The following FBXL2 variants were observed in gnomAD, a reference collection of about 807,000 sequenced individuals.
FBXL2 encodes F-box/LRR-repeat protein 2.
FBXL2 carries 38 observed loss-of-function variants against 69.2 expected under a neutral mutation model. The ratio of observed to expected loss-of-function variants is 0.55; its 90% CI spans 0.42 to 0.72. FBXL2 has a LOEUF of 0.72. Among genes scored for constraint, FBXL2 ranks in the 30% least tolerant of loss-of-function variants. The pLI is 0.00. For missense variants in FBXL2, 354 were observed against 520.3 expected, an observed-to-expected ratio of 0.68 and a Z score of 3.11; for synonymous variants, 192 against 201.3, an observed-to-expected ratio of 0.95 and a Z score of 0.39.
chr3:33,305,903 G>A (rs947388292), intron 2 of FBXL2, among the ~76,000 whole-genome samples: 7 of 151,560 alleles, frequency 4.6e-5, no homozygotes, highest in Admixed American at 2.0e-4. Flanking sequence ...CCTTAATATC[G>A]TTAGTTTATG....
intron 5 of FBXL2, among the ~76,000 whole-genome samples, chr3:33,367,737 C>T (rs2042046381): frequency 6.6e-6 from 1 of 151,854 alleles, no homozygotes; most frequent in South Asian, 2.1e-4. Context: ...TTATTTCCTT[C>T]CTTTTGGTTA....
At chr3:33,320,590 C>T (rs904988042) in intron 2 of FBXL2, among the ~76,000 whole-genome samples, 3 of 151,900 alleles carry the variant, frequency 2.0e-5, no homozygotes, top group African/African-American at 7.3e-5. Flanking sequence ...AGGCGATTCT[C>T]CTGCCTCAGC....
chr3:33,381,202 A>G (rs1262219773), intron 13 of FBXL2, among the ~76,000 whole-genome samples: 1 of 152,218 alleles, frequency 6.6e-6, no homozygotes, highest in Non-Finnish European at 1.5e-5. Flanking sequence ...GTATCTCCTC[A>G]GTCTCATATG....
At chr3:33,301,265 T>G (rs2036271781) in intron 2 of FBXL2, among the ~76,000 whole-genome samples, 1 of 152,228 alleles carries the variant, frequency 6.6e-6, no homozygotes, top group Non-Finnish European at 1.5e-5. Context: ...CCTATTCACC[T>G]TCAGTCTTAC....
intron 2 of FBXL2, among the ~76,000 whole-genome samples, chr3:33,299,865 A>C (rs888537886): frequency 6.6e-6 from 1 of 152,266 alleles, no homozygotes; most frequent in South Asian, 2.1e-4. Context: ...TGCCATATAA[A>C]CCCAAAAGGC....
chr3:33,342,748 CAG>C (rs1419628721), intron 2 of FBXL2, among the ~76,000 whole-genome samples: 7 of 48,330 alleles, frequency 1.4e-4, no homozygotes, highest in East Asian at 1.1e-3. Flanking sequence ...TTTTTTGAGA[CAG>C]AGTCTCGCTC....
At chr3:33,328,536 T>C (rs765229721) in intron 2 of FBXL2, among the ~76,000 whole-genome samples, 2 of 152,038 alleles carry the variant, frequency 1.3e-5, no homozygotes, top group Non-Finnish European at 2.9e-5. Flanking sequence ...AACCTAGATA[T>C]AGATCCCTGT....
At position 33,348,507 on chromosome 3, in the gene FBXL2, C is replaced by T. The variant is rs186301662; in HGVS notation, c.66-10460C>T. On this transcript the variant is annotated intron_variant, in intron 2 of 14. Coordinates refer to ENST00000484457, the MANE Select transcript of FBXL2 (RefSeq NM_012157.5). ...CTATATTCTGGGTCTTTTGTGATTC[C>T]GTATAAATTTTAGGATTATTTTTAT... Among the ~76,000 whole-genome samples, 220 of 152,098 alleles carry T rather than the reference C, an allele frequency of 1.4e-3. 3 individuals carry two copies. Among genetic ancestry groups the T allele is most frequent in the African/African-American group, 4.7e-3 (194 of 41,500 alleles).
chr3:33,305,618 A>G (rs1157507333), intron 2 of FBXL2, among the ~76,000 whole-genome samples: 1 of 151,720 alleles, frequency 6.6e-6, no homozygotes, highest in Non-Finnish European at 1.5e-5. Context: ...AAAAGCATCT[A>G]TTTGTCTTGG....
chr3:33,405,284 C>G (rs887035476), downstream of FBXL2, among the ~76,000 whole-genome samples: 2 of 152,004 alleles, frequency 1.3e-5, no homozygotes, highest in African/African-American at 4.8e-5. Context: ...GAAGGAAGAA[C>G]AGAGTAAAAT....
chr3:33,277,481 C>G lies in FBXL2; in HGVS notation c.-32C>G. On this transcript the variant is annotated 5_prime_UTR_variant, in exon 1 of 15. Transcript: ENST00000484457. ...GGGCGTCGCCGGCGCCGTGTGACTT[C>G]GGGCTGTGGGCTCGCTCGCGGCTCT... The G allele has an allele frequency of 1.6e-6, 2 of 1,287,754 alleles. No individual in the cohort carries two copies. The highest frequency in any genetic ancestry group is 2.0e-6 in the Non-Finnish European group (2 of 1,010,010). The allele number at this position is 1,287,754 out of a possible 1,614,324, so 79.8% of individuals were successfully genotyped here. A position where few individuals can be genotyped will look rare whatever the true frequency, so the allele number is the denominator to read the frequency against.
chr3:33,289,631 A>T (rs571403306), intron 1 of FBXL2: 19 of 301,304 alleles, frequency 6.3e-5, no homozygotes, highest in African/African-American at 3.8e-4. Flanking sequence ...ACAGTTACTG[A>T]CTGCACATAG....
At chr3:33,415,753 CAA>C in the FBXL2 span, among the ~76,000 whole-genome samples, 1 of 141,000 alleles carries the variant, frequency 7.1e-6, no homozygotes, top group African/African-American at 2.6e-5. Context: ...GATACATTAA[CAA>C]AAAAAAAAAC....
intron 2 of FBXL2, among the ~76,000 whole-genome samples, chr3:33,326,069 G>C (rs1194292525): frequency 6.6e-6 from 1 of 152,034 alleles, no homozygotes; most frequent in Admixed American, 6.6e-5. Flanking sequence ...GATAGTTTTA[G>C]CAAATCAAAC....
intron 2 of FBXL2, among the ~76,000 whole-genome samples, chr3:33,345,410 T>G (rs1049431547): frequency 1.3e-5 from 2 of 152,222 alleles, no homozygotes; most frequent in Non-Finnish European, 2.9e-5. Context: ...CTACTACATT[T>G]TCTAATTCAT....
downstream of FBXL2, chr3:33,392,260 T>C (rs2043798334): frequency 3.8e-6 from 1 of 263,292 alleles, no homozygotes; most frequent in East Asian, 7.3e-5. Flanking sequence ...AGGAGTTTCA[T>C]GGATTCTGTT....
downstream of FBXL2, among the ~76,000 whole-genome samples, chr3:33,404,749 C>G (rs916830147): frequency 6.6e-6 from 1 of 152,016 alleles, no homozygotes; most frequent in Admixed American, 6.6e-5. Context: ...GGAGGATGGA[C>G]CTATTGTCAA....
chr3:33,392,322 C>A, downstream of FBXL2: 1 of 413,454 alleles, frequency 2.4e-6, no homozygotes. Flanking sequence ...ACACAAAGTG[C>A]TCAGTAAGAC....
At chr3:33,409,784 A>C in the FBXL2 span, among the ~76,000 whole-genome samples, 1 of 152,218 alleles carries the variant, frequency 6.6e-6, no homozygotes, top group Non-Finnish European at 1.5e-5. Flanking sequence ...TCCCTCTCAC[A>C]AATCCAACTG....
Sources: gnomAD v4.1 joint callset for allele counts (sites outside exome capture counted in the v4.1 genomes callset) on GRCh38, gnomAD v4.1.1 for gene constraint, MANE v1.5 for transcripts, NCBI Gene and HGNC (gene_info 2026-07-23, HGNC 2026-07-21) for gene names.